SERINC5: variants seen among roughly 807,000 people sequenced by gnomAD.
The protein encoded by SERINC5 is chromosome 5 open reading frame 12.
Under a neutral mutation model 63.1 loss-of-function variants are expected in SERINC5, and 41 were observed. The observed-to-expected ratio is 0.65, with a 90% CI of 0.51 to 0.84. The LOEUF (loss-of-function observed/expected upper bound fraction) is 0.84. Ranked by LOEUF, SERINC5 falls within the 40% of genes least tolerant of loss-of-function variation. The pLI is 0.00. For synonymous variants in SERINC5, 222 were observed against 215.2 expected (o/e 1.03, Z -0.28); for missense variants, 523 against 573.0 (o/e 0.91, Z 0.89).
At chr5:80,195,185 C>A (rs1749422143) in intron 2 of SERINC5, among the ~76,000 whole-genome samples, 2 of 151,618 alleles carry the variant, frequency 1.3e-5, no homozygotes, top group Non-Finnish European at 2.9e-5. Flanking sequence ...ACTCGGGAGG[C>A]TGAGGCAGGA....
At chr5:80,122,197 G>GTATATATATATATA (rs10700420) in intron 11 of SERINC5, among the ~76,000 whole-genome samples, 7,364 of 116,478 alleles carry the variant, frequency 0.063, 325 homozygotes, top group Middle Eastern at 0.11. Context: ...AGAACTAATA[G>GTATATATATATATA]TATATATATA....
intron 5 of SERINC5, among the ~76,000 whole-genome samples, chr5:80,172,541 G>A (rs1017617242): frequency 6.6e-6 from 1 of 152,114 alleles, no homozygotes; most frequent in African/African-American, 2.4e-5. Context: ...ATGTTTTAAT[G>A]ATGAAAAAGT....
chr5:80,180,448 T>C (rs1255506329), intron 2 of SERINC5, among the ~76,000 whole-genome samples: 2 of 152,214 alleles, frequency 1.3e-5, no homozygotes, highest in Non-Finnish European at 2.9e-5. Context: ...GAAACAATAA[T>C]ATCTGTGGCT....
chr5:80,121,396 A>T (rs927724237), intron 11 of SERINC5, among the ~76,000 whole-genome samples: 1 of 151,860 alleles, frequency 6.6e-6, no homozygotes, highest in African/African-American at 2.4e-5. Flanking sequence ...TCTCAGGATG[A>T]CCTCCCTGAG....
At chr5:80,248,899 C>A (rs545197168) in intron 1 of SERINC5, among the ~76,000 whole-genome samples, 91 of 152,306 alleles carry the variant, frequency 6.0e-4, no homozygotes, top group Non-Finnish European at 1.1e-3. Flanking sequence ...TGCCATCTAA[C>A]AGAGATGAAA....
In SERINC5 at chr5:80,232,101, T is replaced by TAAA. The variant is rs34890012; in HGVS notation, c.27+23792_27+23794dup. Reference sequence around the variant, plus strand: ...TGAGAAACAGACCAAGATTCTGTCTTAAAAAAAAAAAAAAAAAAAAAGGCC... The same window carrying TAAA: ...TGAGAAACAGACCAAGATTCTGTCTTAAAAAAAAAAAAAAAAAAAAAAAAGGCC... On this transcript the variant is annotated intron_variant, in intron 1 of 11. Coordinates refer to ENST00000507668, the MANE Select transcript of SERINC5 (RefSeq NM_001174072.3). Among the ~76,000 whole-genome samples the TAAA allele has an allele frequency of 5.0e-3, 603 of 119,444 alleles. 5 individuals are homozygous for TAAA. The highest frequency in any genetic ancestry group is 0.018 in the African/African-American group (581 of 31,676). 78.4% of individuals were successfully genotyped at this position (119,444 alleles called of 152,430 possible).
intron 1 of SERINC5, among the ~76,000 whole-genome samples, chr5:80,205,322 C>T (rs138098057): frequency 2.3e-4 from 35 of 152,296 alleles, no homozygotes; most frequent in East Asian, 1.5e-3. Flanking sequence ...CGTGAGACAA[C>T]GGACTTGGAT....
chr5:80,122,353 C>T (rs1744584630), intron 11 of SERINC5, among the ~76,000 whole-genome samples: 1 of 152,046 alleles, frequency 6.6e-6, no homozygotes, highest in Admixed American at 6.6e-5. Context: ...CTAGACCCAT[C>T]TTTCTTTTCA....
At position 80,198,080 on chromosome 5, in the gene SERINC5, C is replaced by T. The variant is rs555899345; in HGVS notation, c.195+4806G>A. On this transcript the variant is annotated intron_variant, in intron 2 of 11. Coordinates refer to ENST00000507668, the MANE Select transcript of SERINC5 (RefSeq NM_001174072.3). ...GTCTGGATCTCTTGACCTTGTGATC[C>T]GCCCGCCTCAGCCTCCCAAAGTGCT... Among the ~76,000 whole-genome samples, 6 of 152,122 alleles carry T rather than the reference C, an allele frequency of 3.9e-5. No individual in the cohort carries two copies. In the South Asian group the frequency reaches 6.2e-4, roughly 16 times the overall value.
intron 11 of SERINC5, among the ~76,000 whole-genome samples, chr5:80,121,784 G>A (rs75377609): frequency 0.013 from 1,925 of 152,214 alleles, 23 homozygotes; most frequent in African/African-American, 0.043. Flanking sequence ...GTCACATGGC[G>A]ACAGAGAGAG....
In SERINC5 at chr5:80,232,760, G is replaced by A. The variant is rs1751506969; in HGVS notation, c.27+23136C>T. ...GATCACGCCACTGCACTCCAGCCTG[G>A]TGACAGAGCGAAACTCCATCTCAAA... On this transcript the variant is annotated intron_variant, in intron 1 of 11. Coordinates refer to ENST00000507668, the MANE Select transcript of SERINC5 (RefSeq NM_001174072.3). 2.0e-5 allele frequency among the ~76,000 whole-genome samples: 3 copies of A among 152,002 alleles called. No individual in the cohort carries two copies. The South Asian group carries it at 6.2e-4, about 32-fold the overall frequency.
intron 9 of SERINC5, 130 bp downstream of exon 9, chr5:80,150,752 T>C (rs568409620): frequency 6.8e-6 from 5 of 731,700 alleles, no homozygotes; most frequent in African/African-American, 1.8e-5. Flanking sequence ...TATTTTTCTA[T>C]ACAAAAATCT....
intron 1 of SERINC5, among the ~76,000 whole-genome samples, chr5:80,252,879 TG>T (rs1257077412): frequency 6.6e-6 from 1 of 152,218 alleles, no homozygotes; most frequent in East Asian, 1.9e-4. Context: ...GGTTACATAT[TG>T]TTCAGGATGG....
intron 11 of SERINC5, among the ~76,000 whole-genome samples, chr5:80,124,914 C>T (rs1744687576): frequency 6.6e-6 from 1 of 152,102 alleles, no homozygotes; most frequent in African/African-American, 2.4e-5. Context: ...AGAAGCCCAT[C>T]CCTGTCACTG....
chr5:80,224,079 G>A (rs1751049393), intron 1 of SERINC5, among the ~76,000 whole-genome samples: 3 of 149,292 alleles, frequency 2.0e-5, no homozygotes, highest in African/African-American at 7.4e-5. Flanking sequence ...GTTGCAGTGA[G>A]TGGAGATCCT....
intron 1 of SERINC5, among the ~76,000 whole-genome samples, chr5:80,217,046 C>T (rs1019154422): frequency 7.9e-5 from 12 of 151,586 alleles, no homozygotes; most frequent in Non-Finnish European, 1.3e-4. Flanking sequence ...AGTAAAAACT[C>T]GTTTCATTTA....
At chr5:80,162,022 A>C (rs1230585124) in intron 7 of SERINC5, among the ~76,000 whole-genome samples, 2 of 152,154 alleles carry the variant, frequency 1.3e-5, no homozygotes, top group African/African-American at 4.8e-5. Flanking sequence ...GATGGCTATA[A>C]ATATGTGGCT....
intron 7 of SERINC5, among the ~76,000 whole-genome samples, chr5:80,162,869 C>A (rs760596427): frequency 1.3e-5 from 2 of 150,030 alleles, no homozygotes; most frequent in East Asian, 3.9e-4. Flanking sequence ...GGCGGAGTTT[C>A]ACTCTGTTGT....
chr5:80,123,942 A>G (rs763460764), intron 11 of SERINC5, among the ~76,000 whole-genome samples: 11 of 152,176 alleles, frequency 7.2e-5, no homozygotes, highest in Non-Finnish European at 1.6e-4. Flanking sequence ...TCCTGCACAC[A>G]TTATGCACTT....
Sources: gnomAD v4.1 joint callset for allele counts (sites outside exome capture counted in the v4.1 genomes callset) on GRCh38, gnomAD v4.1.1 for gene constraint, MANE v1.5 for transcripts, NCBI Gene and HGNC (gene_info 2026-07-23, HGNC 2026-07-21) for gene names.